The following PAPPA2 variants were observed in gnomAD, a reference collection of about 807,000 sequenced individuals.
The protein encoded by PAPPA2 is pappalysin-2.
In PAPPA2, 86 loss-of-function variants were observed where a neutral mutation model predicts 176.4. The observed-to-expected ratio is 0.49, with a 90% CI of 0.41 to 0.58. PAPPA2 has a LOEUF of 0.58. Ranked by LOEUF, PAPPA2 falls within the 20% of genes least tolerant of loss-of-function variation. The probability of loss-of-function intolerance (pLI) is 0.00; values close to 1 mark genes in which losing one functional copy is unlikely to be tolerated. For synonymous variants in PAPPA2, 809 were observed against 852.2 expected, an observed-to-expected ratio of 0.95 and a Z score of 0.88; for missense variants, 2,073 against 2,256.9, an observed-to-expected ratio of 0.92 and a Z score of 1.65.
At chr1:176,793,899 T>C (rs764075232) in intron 20 of PAPPA2, among the ~76,000 whole-genome samples, 1 of 152,106 alleles carries the variant, frequency 6.6e-6, no homozygotes, top group African/African-American at 2.4e-5. Context: ...ATTGAGACCA[T>C]CTGGCAAACA....
At chr1:176,477,732 G>A (rs1652201474) in intron 1 of PAPPA2, among the ~76,000 whole-genome samples, 1 of 151,940 alleles carries the variant, frequency 6.6e-6, no homozygotes, top group East Asian at 1.9e-4. Context: ...GTGACAGAGT[G>A]AGACTCCATC....
intron 11 of PAPPA2, among the ~76,000 whole-genome samples, chr1:176,711,482 C>G (rs1439257051): frequency 1.3e-5 from 2 of 152,114 alleles, no homozygotes; most frequent in African/African-American, 4.8e-5. Context: ...ACTTTTGGGG[C>G]CAGTGGATGC....
chr1:176,668,382 T>C (rs10798470), intron 3 of PAPPA2, among the ~76,000 whole-genome samples: 26,552 of 152,172 alleles, frequency 0.17, 2,472 homozygotes, highest in Middle Eastern at 0.23. Context: ...CCTTTTGCGT[T>C]TCACTGCATT....
At chr1:176,770,709 T>C (rs1349739857) in intron 16 of PAPPA2, among the ~76,000 whole-genome samples, 1 of 152,218 alleles carries the variant, frequency 6.6e-6, no homozygotes, top group East Asian at 1.9e-4. Flanking sequence ...AATGATTTAG[T>C]TGGTAGCCCT....
At chr1:176,552,015 CT>C (rs1189436969) in intron 1 of PAPPA2, among the ~76,000 whole-genome samples, 1 of 152,138 alleles carries the variant, frequency 6.6e-6, no homozygotes, top group Non-Finnish European at 1.5e-5. Context: ...TGTCCAGTCA[CT>C]AAGAGACAGT....
chr1:176,797,657 A>C (rs1008207809), intron 20 of PAPPA2, among the ~76,000 whole-genome samples: 13 of 151,600 alleles, frequency 8.6e-5, no homozygotes, highest in Non-Finnish European at 1.8e-4. Context: ...TATATATATA[A>C]ATAAATAAAT....
At chr1:176,559,791 G>A (rs1651552736) in intron 2 of PAPPA2, among the ~76,000 whole-genome samples, 1 of 152,108 alleles carries the variant, frequency 6.6e-6, no homozygotes, top group Non-Finnish European at 1.5e-5. Flanking sequence ...TGCAAGACTT[G>A]GCCCCTACAC....
At chr1:176,527,178 T>C (rs1026476715) in intron 1 of PAPPA2, among the ~76,000 whole-genome samples, 3 of 152,150 alleles carry the variant, frequency 2.0e-5, no homozygotes, top group Non-Finnish European at 2.9e-5. Context: ...AGGTGAAAGA[T>C]ATTGTATCGA....
At chr1:176,686,504 G>T (rs1299703031) in intron 4 of PAPPA2, among the ~76,000 whole-genome samples, 1 of 152,082 alleles carries the variant, frequency 6.6e-6, no homozygotes, top group Non-Finnish European at 1.5e-5. Context: ...ATTTGGGGTG[G>T]GGACACAGCC....
intron 4 of PAPPA2, among the ~76,000 whole-genome samples, chr1:176,681,887 G>A (rs1253842867): frequency 1.3e-5 from 2 of 152,156 alleles, no homozygotes; most frequent in Non-Finnish European, 2.9e-5. Flanking sequence ...AGCGGTCTGT[G>A]AATGTTCTGG....
chr1:176,641,683 A>C (rs1249162294), intron 3 of PAPPA2, among the ~76,000 whole-genome samples: 3 of 151,878 alleles, frequency 2.0e-5, no homozygotes, highest in African/African-American at 7.3e-5. Context: ...GATTTTTAAT[A>C]ATTTGCATTT....
chr1:176,738,994 C>G (rs1466418754), intron 12 of PAPPA2, among the ~76,000 whole-genome samples: 2 of 152,030 alleles, frequency 1.3e-5, no homozygotes, highest in Non-Finnish European at 2.9e-5. Flanking sequence ...ATTTTCCTGG[C>G]CGGGGACTGG....
At chr1:176,830,242 G>T (rs1667034046) in intron 21 of PAPPA2, among the ~76,000 whole-genome samples, 1 of 152,114 alleles carries the variant, frequency 6.6e-6, no homozygotes, top group South Asian at 2.1e-4. Context: ...ACAAATAGAT[G>T]ACAGGGGGAA....
At chr1:176,687,459 A>T (rs1036571801) in intron 4 of PAPPA2, among the ~76,000 whole-genome samples, 1 of 152,116 alleles carries the variant, frequency 6.6e-6, no homozygotes, top group Admixed American at 6.6e-5. Context: ...TTTGGGGTTG[A>T]GGTAGAGACT....
intron 1 of PAPPA2, among the ~76,000 whole-genome samples, chr1:176,477,546 A>T (rs1200903145): frequency 6.6e-6 from 1 of 152,120 alleles, no homozygotes; most frequent in Non-Finnish European, 1.5e-5. Flanking sequence ...GGAGATCGAG[A>T]TCATCCTGGC....
chr1:176,600,865 G>C, intron 3 of PAPPA2, among the ~76,000 whole-genome samples: 1 of 152,086 alleles, frequency 6.6e-6, no homozygotes, highest in Admixed American at 6.5e-5. Context: ...GAAAGTGGGG[G>C]ACAGACCTAC....
At position 176,699,182 on chromosome 1, in the gene PAPPA2, G is replaced by T. The variant is rs376986324; in HGVS notation, c.2829G>T (p.Thr943=). ...PEVHLYHMNM[T]VPCPTEGCSL... is the part of the protein sequence containing the mutation. ...TCCACCTGTACCACATGAACATGAC[G>T]GTCCCCTGCCCCACAGAAGGCTGTA... The change falls in exon 8 of 23, where the codon ACG becomes ACT. Residue 943 remains threonine, a synonymous_variant. Transcript: ENST00000367662. 1.2e-6 allele frequency: 2 copies of T among 1,614,072 alleles called. No individual in the cohort carries two copies. Among genetic ancestry groups the T allele is most frequent in the African/African-American group, 2.7e-5 (2 of 75,016 alleles).
intron 17 of PAPPA2, among the ~76,000 whole-genome samples, 170 bp from the exon 18 acceptor site, chr1:176,789,639 T>G (rs1019423007): frequency 6.6e-6 from 1 of 152,226 alleles, no homozygotes; most frequent in African/African-American, 2.4e-5. Flanking sequence ...AACATTACTA[T>G]TTTTAGTTCC....
At chr1:176,526,714 T>C (rs1423670877) in intron 1 of PAPPA2, among the ~76,000 whole-genome samples, 1 of 152,216 alleles carries the variant, frequency 6.6e-6, no homozygotes, top group Non-Finnish European at 1.5e-5. Flanking sequence ...CAATTTTTGA[T>C]CTGAGATCCC....
Sources: allele counts gnomAD v4.1 joint callset (sites outside exome capture counted in the v4.1 genomes callset), GRCh38; gene constraint gnomAD v4.1.1; transcripts MANE v1.5; gene names NCBI Gene and HGNC (gene_info 2026-07-23, HGNC 2026-07-21).